DPP10: variants seen among roughly 807,000 people sequenced by gnomAD.
The protein encoded by DPP10 is inactive dipeptidyl peptidase 10.
Under a neutral mutation model 120.9 loss-of-function variants are expected in DPP10, and 33 were observed. The observed-to-expected ratio is 0.27, with a 90% confidence interval of 0.21 to 0.37. DPP10 has a LOEUF of 0.37. DPP10 is among the 10% of genes least tolerant of loss of function. The pLI is 1.00. For missense variants in DPP10, 816 were observed against 942.8 expected (o/e 0.87, Z 1.76); for synonymous variants, 337 against 326.1 (o/e 1.03, Z -0.36).
At chr2:115,836,767 T>C (rs1437077965) in intron 24 of DPP10, 21 bp downstream of exon 24, 2 of 1,604,826 alleles carry the variant, frequency 1.2e-6, no homozygotes, top group Non-Finnish European at 1.7e-6. Context: ...TACTTGCCGC[T>C]GCTGTTTGAT....
At chr2:114,977,325 C>G (rs1314235801) in intron 1 of DPP10, among the ~76,000 whole-genome samples, 1 of 152,100 alleles carries the variant, frequency 6.6e-6, no homozygotes, top group Non-Finnish European at 1.5e-5. Context: ...TCTGTCTACA[C>G]CTTCTATTTA....
intron 1 of DPP10, among the ~76,000 whole-genome samples, chr2:114,662,496 T>C (rs1300699489): frequency 1.3e-5 from 2 of 151,852 alleles, no homozygotes; most frequent in Non-Finnish European, 2.9e-5. Flanking sequence ...ACAACTTGAA[T>C]GCGTGTGTCA....
At chr2:115,229,659 T>C (rs1056599689) in intron 1 of DPP10, among the ~76,000 whole-genome samples, 1 of 152,094 alleles carries the variant, frequency 6.6e-6, no homozygotes, top group Non-Finnish European at 1.5e-5. Flanking sequence ...ATGAATTCAC[T>C]GTATATGTAT....
chr2:115,584,998 A>G lies in DPP10; in HGVS notation c.441+59026A>G, dbSNP rs1002767075. Reference sequence around the variant, plus strand: ...CAGCCTTAAAAACACATACCCATTAATTTTTATTGTGTCCCATTGGCCATA... The same window carrying G: ...CAGCCTTAAAAACACATACCCATTAGTTTTTATTGTGTCCCATTGGCCATA... On this transcript the variant is annotated intron_variant, in intron 5 of 25. Coordinates refer to ENST00000410059, the MANE Select transcript of DPP10 (RefSeq NM_020868.6). Among the ~76,000 whole-genome samples the G allele has an allele frequency of 3.9e-5, 6 of 152,168 alleles. No individual in the cohort carries two copies. In the South Asian group the frequency reaches 6.2e-4, roughly 16 times the overall value.
At chr2:114,557,221 ACT>A (rs1316102769) in intron 1 of DPP10, among the ~76,000 whole-genome samples, 2 of 151,820 alleles carry the variant, frequency 1.3e-5, no homozygotes, top group Non-Finnish European at 2.9e-5. Flanking sequence ...AGTGGGGAAG[ACT>A]CTTCATGAGG....
chr2:115,806,078 T>A (rs1036658699), intron 19 of DPP10, among the ~76,000 whole-genome samples: 1 of 152,078 alleles, frequency 6.6e-6, no homozygotes, highest in Non-Finnish European at 1.5e-5. Context: ...TAAGAAAAAA[T>A]TCTAGGGATA....
At chr2:114,681,703 A>G (rs574549533) in intron 1 of DPP10, among the ~76,000 whole-genome samples, 2 of 152,052 alleles carry the variant, frequency 1.3e-5, no homozygotes, top group Non-Finnish European at 2.9e-5. Flanking sequence ...AGCCGGTAGT[A>G]GGTCAGGGGA....
At chr2:114,790,783 T>C (rs1238438007) in intron 1 of DPP10, among the ~76,000 whole-genome samples, 2 of 152,196 alleles carry the variant, frequency 1.3e-5, no homozygotes, top group Non-Finnish European at 2.9e-5. Flanking sequence ...TATACTTCTT[T>C]TGTGGTGGAA....
chr2:114,684,983 G>A (rs1427214876), intron 1 of DPP10, among the ~76,000 whole-genome samples: 1 of 151,940 alleles, frequency 6.6e-6, no homozygotes, highest in East Asian at 1.9e-4. Flanking sequence ...TTGTCTGTAT[G>A]GAGGTTAACA....
chr2:115,704,241 TAA>T (rs533897361), intron 7 of DPP10, among the ~76,000 whole-genome samples: 2 of 147,654 alleles, frequency 1.4e-5, no homozygotes, highest in South Asian at 4.3e-4. Context: ...CCTAGCCATT[TAA>T]AAAAAAAAAA....
intron 1 of DPP10, among the ~76,000 whole-genome samples, chr2:114,540,121 C>A (rs1204552862): frequency 8.5e-5 from 13 of 152,190 alleles, no homozygotes; most frequent in Admixed American, 8.5e-4. Context: ...TTCAGCCTCT[C>A]TCATGAGACC....
At chr2:115,530,129 T>G (rs867991543) in intron 5 of DPP10, among the ~76,000 whole-genome samples, 8 of 152,240 alleles carry the variant, frequency 5.3e-5, no homozygotes, top group Middle Eastern at 6.8e-3. Context: ...TGCTAGCATT[T>G]AAATAAATTT....
At chr2:114,517,452 G>A (rs145705815) in intron 1 of DPP10, among the ~76,000 whole-genome samples, 7 of 151,694 alleles carry the variant, frequency 4.6e-5, no homozygotes, top group African/African-American at 1.7e-4. Flanking sequence ...CCTGGGAGAC[G>A]GAGGCTGCAG....
intron 1 of DPP10, among the ~76,000 whole-genome samples, chr2:115,051,942 T>C (rs1171182182): frequency 1.3e-5 from 2 of 152,218 alleles, no homozygotes; most frequent in East Asian, 3.8e-4. Flanking sequence ...CGTGTATGCA[T>C]ACATATACAA....
At chr2:115,308,363 G>T (rs914782069) in intron 1 of DPP10, among the ~76,000 whole-genome samples, 1 of 144,580 alleles carries the variant, frequency 6.9e-6, no homozygotes, top group African/African-American at 2.6e-5. Context: ...ATTGAGAAAG[G>T]ATGAAAAGCA....
At chr2:115,436,915 C>G (rs567332558) in intron 3 of DPP10, among the ~76,000 whole-genome samples, 137 of 151,704 alleles carry the variant, frequency 9.0e-4, no homozygotes, top group African/African-American at 3.2e-3. Flanking sequence ...TCTAGCCTAC[C>G]AATAGTAAAT....
rs568814701 is a variant in DPP10, at chr2:114,732,694, G to A, written c.60+289856G>A. ...GATTGAAAAAGGGTAATGTTTGAGGGAGGAATGCCTTGGGTTTTCTTGTTT... is the reference window on the plus strand; with the variant it reads ...GATTGAAAAAGGGTAATGTTTGAGGAAGGAATGCCTTGGGTTTTCTTGTTT... On this transcript the variant is annotated intron_variant, in intron 1 of 25. Coordinates refer to ENST00000410059, the MANE Select transcript of DPP10 (RefSeq NM_020868.6). Among the ~76,000 whole-genome samples, 4 of 152,252 alleles carry A rather than the reference G, an allele frequency of 2.6e-5. No homozygotes were observed. The South Asian group carries it at 8.3e-4, about 32-fold the overall frequency.
chr2:115,514,300 A>G (rs570861258), intron 4 of DPP10, among the ~76,000 whole-genome samples: 1 of 151,804 alleles, frequency 6.6e-6, no homozygotes, highest in South Asian at 2.1e-4. Context: ...TTAAGTATAT[A>G]TATTATGTTT....
chr2:115,720,950 A>G (rs2092634442), intron 7 of DPP10, among the ~76,000 whole-genome samples: 1 of 152,294 alleles, frequency 6.6e-6, no homozygotes, highest in Admixed American at 6.5e-5. Context: ...AGCTGAGGAT[A>G]TGGTTGCTGG....
Sources: gnomAD v4.1 joint callset for allele counts (sites outside exome capture counted in the v4.1 genomes callset) on GRCh38, gnomAD v4.1.1 for gene constraint, MANE v1.5 for transcripts, NCBI Gene and HGNC (gene_info 2026-07-23, HGNC 2026-07-21) for gene names.